RFTN2: variants seen among roughly 807,000 people sequenced by gnomAD.
RFTN2 encodes raftlin family member 2, also known as raftlin-2.
Under a neutral mutation model 52.7 loss-of-function variants are expected in RFTN2, and 34 were observed. That is an observed-to-expected ratio of 0.64 (90% CI 0.49 to 0.86). RFTN2 has a LOEUF of 0.86. Ranked by LOEUF, RFTN2 falls within the 40% of genes least tolerant of loss-of-function variation. The pLI is 0.00. For missense variants in RFTN2, 536 were observed against 600.1 expected (o/e 0.89, Z 1.12); for synonymous variants, 203 against 217.7 (o/e 0.93, Z 0.59).
intron 3 of RFTN2, among the ~76,000 whole-genome samples, chr2:197,642,531 T>C (rs1352268471): frequency 1.3e-5 from 2 of 152,218 alleles, no homozygotes; most frequent in Non-Finnish European, 2.9e-5. Flanking sequence ...TAAAATATTC[T>C]ATTATATTAA....
At chr2:197,599,227 C>T (rs879782802) in intron 7 of RFTN2, among the ~76,000 whole-genome samples, 9 of 152,186 alleles carry the variant, frequency 5.9e-5, no homozygotes, top group Admixed American at 2.6e-4. Flanking sequence ...GCGTGAGCCA[C>T]CGCGCCCAGC....
rs1353937584 is a variant in RFTN2 at position 197,570,781 on chromosome 2, G to A, written c.*1227C>T. The A allele has an allele frequency of 1.3e-5, 2 of 152,112 alleles. No homozygotes were observed. The highest frequency in any genetic ancestry group is 4.8e-5 in the African/African-American group (2 of 41,408). 9.4% of individuals were successfully genotyped at this position (152,112 alleles called of 1,614,324 possible). ...CCAAACATATTATATGAATATTTGT[G>A]TTCAATAAAACAATAACACAATAAA... On this transcript the variant is annotated 3_prime_UTR_variant, in exon 9 of 9. Coordinates refer to ENST00000295049, the MANE Select transcript of RFTN2 (RefSeq NM_144629.3).
rs1222944678 is a variant in RFTN2 at position 197,674,339 on chromosome 2, C to CAAAAAAAAAAAAA, written c.139+968_139+980dup. Among the ~76,000 whole-genome samples, 55 of 34,228 alleles carry CAAAAAAAAAAAAA rather than the reference C, an allele frequency of 1.6e-3. 1 individual carries two copies. Among genetic ancestry groups the CAAAAAAAAAAAAA allele is most frequent in the Admixed American group, 2.6e-3 (5 of 1,950 alleles). 22.5% of individuals were successfully genotyped at this position (34,228 alleles called of 152,430 possible). ...AAGATGCACTGTTTCTAGAGCAAAG[C>CAAAAAAAAAAAAA]AAAAAAAAAAAAAAAAAAAAAAAAG... On this transcript the variant is annotated intron_variant, in intron 1 of 8. Transcript: ENST00000295049.
intron 1 of RFTN2, among the ~76,000 whole-genome samples, chr2:197,658,002 A>G (rs2088917090): frequency 1.3e-5 from 2 of 152,064 alleles, no homozygotes; most frequent in Admixed American, 1.3e-4. Context: ...CTGTGCCTAT[A>G]GAGTCAGGAA....
intron 8 of RFTN2, among the ~76,000 whole-genome samples, chr2:197,578,930 G>T (rs1404914928): frequency 6.6e-6 from 1 of 152,146 alleles, no homozygotes; most frequent in Non-Finnish European, 1.5e-5. Flanking sequence ...CAAGTAAGCG[G>T]CCTCTTTTAC....
chr2:197,587,132 T>C (rs1389005153), intron 8 of RFTN2, among the ~76,000 whole-genome samples: 1 of 152,142 alleles, frequency 6.6e-6, no homozygotes, highest in African/African-American at 2.4e-5. Context: ...TCATTCTATA[T>C]GACAAATACT....
In RFTN2 at chr2:197,573,112, G is replaced by T. The variant is rs375919981; in HGVS notation, c.1234-832C>A. ...TGGTACTAGTAGAGTGGCGGGGGTG[G>T]GGGGTGCTATAAAAATACCCAAAAA... On this transcript the variant is annotated intron_variant, in intron 8 of 8. Coordinates refer to ENST00000295049, the MANE Select transcript of RFTN2 (RefSeq NM_144629.3). Among the ~76,000 whole-genome samples the T allele has an allele frequency of 9.5e-3, 1,450 of 152,020 alleles. 26 individuals carry two copies. The highest frequency in any genetic ancestry group is 0.033 in the African/African-American group (1,370 of 41,432).
At chr2:197,620,133 A>C (rs2106217346) in intron 5 of RFTN2, among the ~76,000 whole-genome samples, 1 of 152,262 alleles carries the variant, frequency 6.6e-6, no homozygotes, top group Admixed American at 6.5e-5. Flanking sequence ...AATGCTAGGT[A>C]AGATTACTTC....
rs149526466 is a variant in RFTN2, at chr2:197,671,006, A to T, written c.139+4314T>A. Among the ~76,000 whole-genome samples, 286 of 152,188 alleles carry T rather than the reference A, an allele frequency of 1.9e-3. 2 individuals carry two copies. Among genetic ancestry groups the T allele is most frequent in the Non-Finnish European group, 2.3e-3 (157 of 67,998 alleles). On this transcript the variant is annotated intron_variant, in intron 1 of 8. Coordinates refer to ENST00000295049, the MANE Select transcript of RFTN2 (RefSeq NM_144629.3). Reference sequence around the variant, plus strand: ...TATCCTATCCCTGTTACTGCCCTTCACCCACAGGTCCTCATCATCATTAGC... The same window carrying T: ...TATCCTATCCCTGTTACTGCCCTTCTCCCACAGGTCCTCATCATCATTAGC...
intron 8 of RFTN2, among the ~76,000 whole-genome samples, chr2:197,583,219 C>A (rs2106170195): frequency 6.6e-6 from 1 of 152,300 alleles, no homozygotes; most frequent in African/African-American, 2.4e-5. Context: ...TCCCTCACTT[C>A]CCTACACATC....
At chr2:197,618,325 T>A (rs2088184789) in intron 5 of RFTN2, among the ~76,000 whole-genome samples, 1 of 152,126 alleles carries the variant, frequency 6.6e-6, no homozygotes, top group Admixed American at 6.5e-5. Context: ...TAACCGCGAG[T>A]GATCCGCCAG....
chr2:197,584,490 A>G (rs1402059805), intron 8 of RFTN2, among the ~76,000 whole-genome samples: 1 of 151,988 alleles, frequency 6.6e-6, no homozygotes, highest in Non-Finnish European at 1.5e-5. Context: ...GTTTGAGTTC[A>G]TTGTAGATTC....
chr2:197,596,429 C>A (rs1000519154), intron 7 of RFTN2, among the ~76,000 whole-genome samples: 17 of 152,242 alleles, frequency 1.1e-4, no homozygotes, highest in South Asian at 8.3e-4. Context: ...GATCACTGCA[C>A]ATTTATATTT....
chr2:197,652,271 G>A (rs1439543867), intron 1 of RFTN2, among the ~76,000 whole-genome samples: 3 of 152,088 alleles, frequency 2.0e-5, no homozygotes, highest in Non-Finnish European at 4.4e-5. Flanking sequence ...ACTTTCCATT[G>A]GTAGCCTCTG....
intron 1 of RFTN2, among the ~76,000 whole-genome samples, chr2:197,669,472 G>A (rs2089112640): frequency 6.6e-6 from 1 of 151,922 alleles, no homozygotes. Context: ...CTAACACTAG[G>A]ACAGCGGTCC....
intron 7 of RFTN2, among the ~76,000 whole-genome samples, chr2:197,603,557 T>G (rs1362831238): frequency 6.6e-6 from 1 of 152,170 alleles, no homozygotes; most frequent in Non-Finnish European, 1.5e-5. Context: ...GCCCAAGCTA[T>G]CCTCCCAGCT....
intron 5 of RFTN2, among the ~76,000 whole-genome samples, chr2:197,621,219 G>T (rs2088258343): frequency 1.3e-5 from 2 of 151,306 alleles, no homozygotes; most frequent in South Asian, 4.2e-4. Flanking sequence ...AAAATTAGTT[G>T]TATCCTGTGA....
At chr2:197,578,596 G>A (rs2087456486) in intron 8 of RFTN2, among the ~76,000 whole-genome samples, 2 of 152,230 alleles carry the variant, frequency 1.3e-5, no homozygotes, top group Admixed American at 1.3e-4. Context: ...GCCCGCCAGA[G>A]AACAACCCCC....
At chr2:197,610,952 A>T (rs539998462) in intron 7 of RFTN2, among the ~76,000 whole-genome samples, 1 of 152,292 alleles carries the variant, frequency 6.6e-6, no homozygotes, top group East Asian at 1.9e-4. Context: ...CTTGCATCCC[A>T]GGGATGAAGC....
Sources: gnomAD v4.1 joint callset for allele counts (sites outside exome capture counted in the v4.1 genomes callset) on GRCh38, gnomAD v4.1.1 for gene constraint, MANE v1.5 for transcripts, NCBI Gene and HGNC (gene_info 2026-07-23, HGNC 2026-07-21) for gene names.